Variants in MVP observed in about 807,000 individuals in gnomAD.
The protein encoded by MVP is major vault protein.
Under a neutral mutation model 83.5 loss-of-function variants are expected in MVP, and 62 were observed. That is an observed-to-expected ratio of 0.74 (90% CI 0.61 to 0.92). The LOEUF (loss-of-function observed/expected upper bound fraction) is 0.92, where lower values mean the gene tolerates loss of function less well. Among genes scored for constraint, MVP ranks in the 40% least tolerant of loss-of-function variants. The pLI is 0.00. For synonymous variants in MVP, 505 were observed against 504.1 expected (o/e 1.00, Z -0.02); for missense variants, 1,000 against 1,203.4 (o/e 0.83, Z 2.50).
intron 6 of MVP, among the ~76,000 whole-genome samples, 162 bp from the exon 7 acceptor site, chr16:29,836,558 CAA>C (rs930784974): frequency 2.0e-5 from 3 of 146,648 alleles, no homozygotes; most frequent in African/African-American, 5.1e-5. Flanking sequence ...GCCTGGGCAA[CAA>C]GAGAGAGACT....
chr16:29,833,661 C>G, intron 3 of MVP, 72 bp from the exon 4 acceptor site: 2 of 1,598,712 alleles, frequency 1.3e-6, no homozygotes, highest in Non-Finnish European at 1.7e-6. Context: ...GTGGACCCGC[C>G]TCCAGAGCAT....
rs115273131 is a variant in MVP, at chr16:29,825,599, G to A, written c.-35-4916G>A. The stretch of plus-strand genomic sequence containing the variant: ...TGGGTGGTCAGGGAGGTGAGGTGGG[G>A]TCCTGGTGCTGATGCAGGGGCAGTT... On this transcript the variant is annotated intron_variant, in intron 1 of 14. Coordinates refer to ENST00000357402, the MANE Select transcript of MVP (RefSeq NM_005115.5). Among the ~76,000 whole-genome samples the A allele has an allele frequency of 6.8e-3, 1,038 of 152,246 alleles. 16 individuals carry two copies. Among genetic ancestry groups the A allele is most frequent in the African/African-American group, 0.024 (981 of 41,516 alleles).
chr16:29,847,688 G>A, intron 14 of MVP, 74 bp from the exon 15 acceptor site: 1 of 1,438,154 alleles, frequency 7.0e-7, no homozygotes, highest in Non-Finnish European at 9.7e-7. Context: ...CAAACCAGCT[G>A]ACTTAAGGAG....
At chr16:29,825,232 A>C (rs2067396646) in intron 1 of MVP, among the ~76,000 whole-genome samples, 1 of 152,150 alleles carries the variant, frequency 6.6e-6, no homozygotes, top group Non-Finnish European at 1.5e-5. Context: ...CTCTACACTG[A>C]GAGCCGACTA....
rs149099434 is a variant in MVP, at chr16:29,830,663, G to A, written c.114G>A (p.Gln38=). The stretch of plus-strand genomic sequence containing the variant: ...TCGGGCCAAAGACCTACATCCGGCA[G>A]GACAATGAGAGGTGGGTGTGGGGGC... ...VEVGPKTYIR[Q]DNERVLFAPM... is the part of the protein sequence containing the mutation. Residue 38 remains glutamine, a synonymous_variant, in exon 2 of 15, where the codon CAG becomes CAA. Coordinates refer to ENST00000357402, the MANE Select transcript of MVP (RefSeq NM_005115.5). 116 of 1,613,770 alleles carry A rather than the reference G, an allele frequency of 7.2e-5. No individual in the cohort carries two copies. In the African/African-American group the frequency reaches 1.1e-3, roughly 15 times the overall value.
At chr16:29,832,588 C>T (rs1225468955) in intron 3 of MVP, among the ~76,000 whole-genome samples, 19 of 143,912 alleles carry the variant, frequency 1.3e-4, no homozygotes, top group South Asian at 2.2e-4. Flanking sequence ...TGAGCCACCG[C>T]GCCTGGCCTT....
chr16:29,832,161 T>C (rs893642334), intron 3 of MVP, among the ~76,000 whole-genome samples: 1 of 152,164 alleles, frequency 6.6e-6, no homozygotes, highest in African/African-American at 2.4e-5. Flanking sequence ...GGGGAACTTT[T>C]AGAGACATTC....
intron 2 of MVP, 30 bp from the exon 3 acceptor site, chr16:29,830,848 G>A: frequency 6.3e-7 from 1 of 1,599,512 alleles, no homozygotes; most frequent in Non-Finnish European, 8.5e-7. Flanking sequence ...CTGGTCCCAG[G>A]TCCTCACACC....
chr16:29,844,579 C>T lies in MVP; in HGVS notation c.1721C>T (p.Ala574Val). 1.2e-6 allele frequency: 2 copies of T among 1,611,570 alleles called. No individual in the cohort carries two copies. Among genetic ancestry groups the T allele is most frequent in the Non-Finnish European group, 1.7e-6 (2 of 1,178,612 alleles). ...VPDFVGDACKAIASRVRGAVA... is the reference protein window; with the variant it reads ...VPDFVGDACKVIASRVRGAVA... The stretch of plus-strand genomic sequence containing the variant: ...GACTTTGTAGGTGATGCCTGCAAAG[C>T]CATCGCATCCCGGGTGCGGGGGGCC... Residue 574 changes from alanine to valine, a missense_variant, in exon 11 of 15, where the codon GCC (alanine) becomes GTC (valine). By Grantham distance (64) the Ala-to-Val change is moderately conservative (BLOSUM62 0). Transcript: ENST00000357402.
chr16:29,846,361 G>A, intron 13 of MVP, 77 bp downstream of exon 13: 1 of 1,461,668 alleles, frequency 6.8e-7, no homozygotes, highest in Non-Finnish European at 9.1e-7. Context: ...CCCTGAGACT[G>A]TATAGGACAC....
At chr16:29,835,480 C>CAAAAAA (rs59649743) in intron 5 of MVP, 21 of 72,938 alleles carry the variant, frequency 2.9e-4, no homozygotes, top group East Asian at 2.8e-3. Flanking sequence ...GACTCCGTCT[C>CAAAAAA]AAAAAAAAAA....
Position 29,845,843 on chromosome 16 carries a change from C to T in MVP, c.2022-20C>T, listed in dbSNP as rs2067579811. On this transcript the variant is annotated intron_variant, in intron 11 of 14. Transcript: ENST00000357402. ...CTCTGGCCCCATGCCAGCCTCTCAC[C>T]TGCGCTCCGTCTCCTCCAGGCATGA... 6.2e-7 allele frequency: 1 copy of T among 1,610,956 alleles called. No individual in the cohort carries two copies. The highest frequency in any genetic ancestry group is 2.2e-5 in the East Asian group (1 of 44,850).
chr16:29,822,938 G>A (rs954735099), intron 1 of MVP, among the ~76,000 whole-genome samples: 2 of 151,844 alleles, frequency 1.3e-5, no homozygotes, highest in South Asian at 2.1e-4. Flanking sequence ...GGCTGGTCTC[G>A]AACTCCTGAG....
intron 1 of MVP, among the ~76,000 whole-genome samples, chr16:29,829,248 G>A (rs2067424626): frequency 6.6e-6 from 1 of 151,426 alleles, no homozygotes; most frequent in African/African-American, 2.4e-5. Context: ...ACTTTGGGAG[G>A]CAGAGGCAAG....
In MVP at chr16:29,833,847, G is replaced by A. The variant is rs376368329; in HGVS notation, c.436G>A (p.Glu146Lys). 4.3e-5 allele frequency: 69 copies of A among 1,613,940 alleles called. No individual in the cohort carries two copies. Among genetic ancestry groups the A allele is most frequent in the African/African-American group, 9.3e-5 (7 of 74,870 alleles). Reference sequence around the variant, plus strand: ...GGTGGCAGGAGATGAGTGGCTTTTCGAGGGACCTGGTAAGTTCTGTCTCCA... The same window carrying A: ...GGTGGCAGGAGATGAGTGGCTTTTCAAGGGACCTGGTAAGTTCTGTCTCCA... ...KVVAGDEWLF[E>K]GPGTYIPRKE... The change falls in exon 4 of 15, where the codon GAG (glutamate) becomes AAG (lysine). Residue 146 changes from glutamate to lysine, a missense_variant. Coordinates refer to ENST00000357402, the MANE Select transcript of MVP (RefSeq NM_005115.5).
intron 10 of MVP, among the ~76,000 whole-genome samples, chr16:29,844,086 C>T (rs561545016): frequency 4.5e-4 from 69 of 152,304 alleles, no homozygotes; most frequent in Non-Finnish European, 8.7e-4. Flanking sequence ...TGGCTTGTCA[C>T]ATGTTATATG....
intron 1 of MVP, among the ~76,000 whole-genome samples, chr16:29,823,169 A>G (rs2067378122): frequency 8.2e-6 from 1 of 122,392 alleles, no homozygotes. Flanking sequence ...TGCCCAGGCT[A>G]GAGCGCACTC....
intron 1 of MVP, among the ~76,000 whole-genome samples, chr16:29,828,225 C>T (rs1236874849): frequency 6.6e-6 from 1 of 151,976 alleles, no homozygotes; most frequent in Non-Finnish European, 1.5e-5. Context: ...TCCCAAAGTG[C>T]TGAGATTACA....
At chr16:29,835,520 C>G in intron 5 of MVP, 184 bp from the exon 6 acceptor site, 3 of 230,914 alleles carry the variant, frequency 1.3e-5, no homozygotes, top group East Asian at 8.7e-5. Flanking sequence ...TAAAATTCAA[C>G]TGGGGTGGGG....
Sources: gnomAD v4.1 joint callset for allele counts (sites outside exome capture counted in the v4.1 genomes callset) on GRCh38, gnomAD v4.1.1 for gene constraint, MANE v1.5 for transcripts, NCBI Gene and HGNC (gene_info 2026-07-23, HGNC 2026-07-21) for gene names.